Variants in DCC observed in about 807,000 individuals in gnomAD.
DCC encodes the protein netrin receptor DCC.
DCC carries 58 observed loss-of-function variants against 172.5 expected under a neutral mutation model. The observed-to-expected ratio is 0.34, with a 90% CI of 0.27 to 0.42. DCC has a LOEUF of 0.42. Among genes scored for constraint, DCC ranks in the 10% least tolerant of loss-of-function variants. The probability of loss-of-function intolerance (pLI) is 1.00; values close to 1 mark genes in which losing one functional copy is unlikely to be tolerated. For synonymous variants in DCC, 709 were observed against 644.5 expected, an observed-to-expected ratio of 1.10 and a Z score of -1.52; for missense variants, 1,740 against 1,791.0, an observed-to-expected ratio of 0.97 and a Z score of 0.51.
intron 1 of DCC, among the ~76,000 whole-genome samples, chr18:52,700,048 CAA>C (rs34893826): frequency 0.39 from 54,301 of 140,516 alleles, 11,007 homozygotes; most frequent in Non-Finnish European, 0.49. Flanking sequence ...TCTGTTTATG[CAA>C]AAAAAAAAAA....
At chr18:53,114,184 C>A (rs903807972) in intron 7 of DCC, among the ~76,000 whole-genome samples, 1 of 151,370 alleles carries the variant, frequency 6.6e-6, no homozygotes, top group Non-Finnish European at 1.5e-5. Context: ...ATTTATAATA[C>A]CAGTTAGCAT....
At chr18:52,374,895 TG>T (rs1985279496) in intron 1 of DCC, among the ~76,000 whole-genome samples, 2 of 152,174 alleles carry the variant, frequency 1.3e-5, no homozygotes, top group Admixed American at 1.3e-4. Flanking sequence ...TAGAAACAAA[TG>T]TGTTACACTC....
chr18:52,588,119 A>C (rs1244563050), intron 1 of DCC, among the ~76,000 whole-genome samples: 1 of 152,204 alleles, frequency 6.6e-6, no homozygotes, highest in Non-Finnish European at 1.5e-5. Flanking sequence ...ACCAAAGTCC[A>C]GTAACAGGCC....
At chr18:52,439,557 T>A (rs531518539) in intron 1 of DCC, among the ~76,000 whole-genome samples, 1 of 152,088 alleles carries the variant, frequency 6.6e-6, no homozygotes, top group Non-Finnish European at 1.5e-5. Context: ...TATGAAAGGA[T>A]TGAGGTTGTG....
intron 25 of DCC, among the ~76,000 whole-genome samples, chr18:53,472,890 C>T (rs1481349248): frequency 6.6e-6 from 1 of 152,178 alleles, no homozygotes; most frequent in Non-Finnish European, 1.5e-5. Context: ...TTTAGCATAT[C>T]ATATTGGAAT....
Position 52,786,557 on chromosome 18 carries a change from G to A in DCC, c.412+34183G>A, listed in dbSNP as rs573180109. Among the ~76,000 whole-genome samples the A allele has an allele frequency of 2.6e-5, 4 of 152,184 alleles. No homozygotes were observed. The South Asian group carries it at 8.3e-4, about 32-fold the overall frequency. ...TTTGGAATAAAGTTCAGCAAGAATG[G>A]TTATTTCTACATAGCTCTTTTGGAT... On this transcript the variant is annotated intron_variant, in intron 2 of 28. Transcript: ENST00000442544.
At chr18:52,405,445 G>T (rs1986607211) in intron 1 of DCC, among the ~76,000 whole-genome samples, 2 of 142,964 alleles carry the variant, frequency 1.4e-5, no homozygotes, top group Non-Finnish European at 3.1e-5. Flanking sequence ...GTGTTTTTTG[G>T]CTGCATAAAT....
At chr18:53,176,661 C>T (rs12397574) in intron 8 of DCC, among the ~76,000 whole-genome samples, 75 of 151,618 alleles carry the variant, frequency 4.9e-4, no homozygotes, top group Non-Finnish European at 4.9e-4. Flanking sequence ...ATGGCAATCA[C>T]TAAAAAGTCA....
intron 5 of DCC, among the ~76,000 whole-genome samples, chr18:52,989,412 A>G (rs553312149): frequency 6.8e-4 from 103 of 152,142 alleles, no homozygotes; most frequent in African/African-American, 2.3e-3. Context: ...AATCCTAGCT[A>G]CTCAGGAGAT....
intron 1 of DCC, among the ~76,000 whole-genome samples, chr18:52,609,116 T>C (rs1034394802): frequency 2.1e-4 from 32 of 152,216 alleles, no homozygotes; most frequent in Non-Finnish European, 4.0e-4. Flanking sequence ...TGTGCTTTTC[T>C]ATTTTTTGAC....
intron 2 of DCC, among the ~76,000 whole-genome samples, chr18:52,805,355 A>G (rs1418060373): frequency 6.6e-5 from 10 of 152,324 alleles, no homozygotes; most frequent in Non-Finnish European, 1.5e-5. Context: ...GGAAGATGTG[A>G]CTCTGACAGC....
At chr18:53,434,617 C>T (rs578138440) in intron 21 of DCC, among the ~76,000 whole-genome samples, 6 of 152,174 alleles carry the variant, frequency 3.9e-5, no homozygotes, top group Non-Finnish European at 8.8e-5. Context: ...ATAACCTCCA[C>T]TCTTACTTCC....
chr18:53,247,538 TA>T (rs1481630413), intron 12 of DCC, among the ~76,000 whole-genome samples: 1 of 151,310 alleles, frequency 6.6e-6, no homozygotes, highest in African/African-American at 2.4e-5. Context: ...CTTTGACAAT[TA>T]AAGAGAAAAA....
chr18:52,926,621 G>T (rs979635459), intron 5 of DCC, among the ~76,000 whole-genome samples: 2 of 151,548 alleles, frequency 1.3e-5, no homozygotes, highest in African/African-American at 4.8e-5. Flanking sequence ...TTTGGTTATG[G>T]AATACGCTAG....
At chr18:52,606,683 CT>C (rs2034137762) in intron 1 of DCC, among the ~76,000 whole-genome samples, 1 of 152,098 alleles carries the variant, frequency 6.6e-6, no homozygotes, top group African/African-American at 2.4e-5. Context: ...ATATTTAATA[CT>C]TGATATCAAT....
At chr18:53,044,854 T>C (rs1477576095) in intron 5 of DCC, among the ~76,000 whole-genome samples, 1 of 151,870 alleles carries the variant, frequency 6.6e-6, no homozygotes, top group Non-Finnish European at 1.5e-5. Context: ...GTTAAAGGCA[T>C]GTCAACGAGT....
chr18:53,507,591 C>T (rs1256081742), intron 27 of DCC, among the ~76,000 whole-genome samples: 1 of 152,138 alleles, frequency 6.6e-6, no homozygotes, highest in Non-Finnish European at 1.5e-5. Context: ...AATATCAAGG[C>T]TCTTAGAGGA....
At chr18:52,502,712 A>G (rs1049700184) in intron 1 of DCC, among the ~76,000 whole-genome samples, 3 of 152,166 alleles carry the variant, frequency 2.0e-5, no homozygotes, top group Non-Finnish European at 4.4e-5. Context: ...CCACATGCGA[A>G]GTCTATCTTT....
At chr18:52,926,788 T>TATATAC (rs1568191370) in intron 5 of DCC, among the ~76,000 whole-genome samples, 2 of 148,022 alleles carry the variant, frequency 1.4e-5, no homozygotes, top group Non-Finnish European at 3.0e-5. Flanking sequence ...TCTCTATATA[T>TATATAC]ATACACACAC....
Sources: gnomAD v4.1 joint callset for allele counts (sites outside exome capture counted in the v4.1 genomes callset) on GRCh38, gnomAD v4.1.1 for gene constraint, MANE v1.5 for transcripts, NCBI Gene and HGNC (gene_info 2026-07-23, HGNC 2026-07-21) for gene names.